Variants in VIRMA observed in about 807,000 individuals in gnomAD.
The protein encoded by VIRMA is protein virilizer homolog.
A neutral mutation model predicts 182.4 loss-of-function variants in VIRMA; 65 were observed. The observed-to-expected ratio is 0.36, with a 90% CI of 0.29 to 0.44. The LOEUF is 0.44. Among genes scored for constraint, VIRMA ranks in the 20% least tolerant of loss-of-function variants. VIRMA has a pLI of 1.00. For missense variants in VIRMA, 1,752 were observed against 2,158.1 expected (o/e 0.81, Z 3.73); for synonymous variants, 709 against 743.1 (o/e 0.95, Z 0.75).
At chr8:94,530,834 C>A in intron 6 of VIRMA, 129 bp downstream of exon 6, 1 of 897,244 alleles carries the variant, frequency 1.1e-6, no homozygotes, top group East Asian at 3.1e-5. Flanking sequence ...ATCACTTAAG[C>A]CCAGGTGGTC....
chr8:94,499,117 T>C (rs1813884263), intron 17 of VIRMA: 1 of 233,716 alleles, frequency 4.3e-6, no homozygotes, highest in African/African-American at 2.3e-5. Flanking sequence ...ACTAAAGTGA[T>C]CTTTTTTATG....
intron 8 of VIRMA, among the ~76,000 whole-genome samples, chr8:94,522,032 G>A (rs1008829032): frequency 7.9e-5 from 12 of 152,130 alleles, no homozygotes; most frequent in Non-Finnish European, 1.3e-4. Context: ...AATTATTTGT[G>A]CAAACAATAT....
chr8:94,511,822 T>C, intron 12 of VIRMA, 93 bp from the exon 13 acceptor site: 3 of 724,618 alleles, frequency 4.1e-6, no homozygotes, highest in Non-Finnish European at 1.9e-6. Flanking sequence ...ATATTTATGA[T>C]AATTATATTT....
intron 5 of VIRMA, among the ~76,000 whole-genome samples, chr8:94,534,627 TTCC>T (rs942964632): frequency 2.0e-5 from 3 of 151,038 alleles, no homozygotes; most frequent in Non-Finnish European, 4.4e-5. Flanking sequence ...TTTCTTTCTC[TTCC>T]TCCTATCTCC....
Position 94,492,567 on chromosome 8 carries a change from C to G in VIRMA, c.4808+85G>C. On this transcript the variant is annotated intron_variant, in intron 21 of 23. Coordinates refer to ENST00000297591, the MANE Select transcript of VIRMA (RefSeq NM_015496.5). ...GATTACAGGCGTGAGCCACCGCGCT[C>G]GGCCGCATGTGTCTATCTTAAAATA... 3 of 1,243,800 alleles carry G rather than the reference C, an allele frequency of 2.4e-6. No individual in the cohort carries two copies. In the South Asian group the frequency reaches 4.6e-5, roughly 19 times the overall value. 77.0% of individuals were successfully genotyped at this position (1,243,800 alleles called of 1,614,324 possible).
chr8:94,541,341 C>G (rs982686529), intron 2 of VIRMA, among the ~76,000 whole-genome samples: 2 of 152,032 alleles, frequency 1.3e-5, no homozygotes, highest in Non-Finnish European at 2.9e-5. Context: ...CTCAAGTGAT[C>G]CTCCTGCCTC....
At chr8:94,500,264 TG>T (rs1813925739) in intron 16 of VIRMA, among the ~76,000 whole-genome samples, 2 of 152,090 alleles carry the variant, frequency 1.3e-5, no homozygotes, top group South Asian at 4.2e-4. Context: ...CCAGGCGTAG[TG>T]GTGCACGCCT....
Position 94,505,557 on chromosome 8 carries a change from A to G in VIRMA, c.4097+943T>C, listed in dbSNP as rs139604078. ...GCATGATCACTGCAGCGGCATGATC[A>G]CTGCAGCCTTGACCTCCCAGGCTCA... On this transcript the variant is annotated intron_variant, in intron 16 of 23. Coordinates refer to ENST00000297591, the MANE Select transcript of VIRMA (RefSeq NM_015496.5). Among the ~76,000 whole-genome samples, 991 of 146,160 alleles carry G rather than the reference A, an allele frequency of 6.8e-3. 11 individuals are homozygous for G. The highest frequency in any genetic ancestry group is 0.022 in the African/African-American group (917 of 40,876).
In VIRMA at chr8:94,519,410, A is replaced by T; in HGVS notation, c.2088T>A (p.Ala696=). The change falls in exon 9 of 24, where the codon GCT becomes GCA. Residue 696 remains alanine (A), a synonymous_variant. Coordinates refer to ENST00000297591, the MANE Select transcript of VIRMA (RefSeq NM_015496.5). ...TLLLSIPVTS[A]HPGVLQATKD... ...TTGTGGCTTGCAGCACACCAGGGTG[A>T]GCACTTGTTACTGGAATTGACAGAA... The T allele has an allele frequency of 6.5e-7, 1 of 1,536,888 alleles. No individual in the cohort carries two copies. The highest frequency in any genetic ancestry group is 1.3e-5 in the South Asian group (1 of 76,028).
chr8:94,549,791 T>C (rs1815908102), intron 1 of VIRMA, among the ~76,000 whole-genome samples: 2 of 152,186 alleles, frequency 1.3e-5, no homozygotes, highest in Non-Finnish European at 2.9e-5. Context: ...AAAATGTAGA[T>C]GACTACCTTT....
rs764319143 is a variant in VIRMA at position 94,519,073 on chromosome 8, T to C, written c.2425A>G (p.Arg809Gly). The C allele has an allele frequency of 4.3e-6, 7 of 1,613,900 alleles. No individual in the cohort carries two copies. In the Admixed American group the frequency reaches 1.0e-4, roughly 23 times the overall value. ...CTAAAAACATGGCCAACAGCTGATC[T>C]TCCCACAGGATTAAAAGTAATCAAA... The part of the protein sequence containing the change: ...LYLITFNPVG[R>G]SAVGHVFSLE... The change falls in exon 9 of 24, where the codon AGA becomes GGA. Residue 809 changes from arginine to glycine, a missense_variant. Physicochemically the swap from Arg to Gly is moderately radical, Grantham distance 125. Transcript: ENST00000297591.
intron 7 of VIRMA, among the ~76,000 whole-genome samples, chr8:94,527,640 G>A (rs1258838850): frequency 6.6e-6 from 1 of 152,024 alleles, no homozygotes; most frequent in Non-Finnish European, 1.5e-5. Context: ...ACAACTAACT[G>A]TAACAGATAT....
At position 94,488,553 on chromosome 8, in the gene VIRMA, G is replaced by A. The variant is rs915557727; in HGVS notation, c.*153C>T. ...AAGTTTGGATTTTTATTGAAATCTT[G>A]TTAGGTATCAAACAAATTCTGCTTT... On this transcript the variant is annotated 3_prime_UTR_variant, in exon 24 of 24. Coordinates refer to ENST00000297591, the MANE Select transcript of VIRMA (RefSeq NM_015496.5). 2 of 622,354 alleles carry A rather than the reference G, an allele frequency of 3.2e-6. No individual in the cohort carries two copies. The highest frequency in any genetic ancestry group is 1.8e-5 in the African/African-American group (1 of 54,748). 38.6% of individuals were successfully genotyped at this position (622,354 alleles called of 1,614,324 possible).
At chr8:94,499,205 T>C (rs959258383) in intron 17 of VIRMA, 169 bp downstream of exon 17, 3 of 425,168 alleles carry the variant, frequency 7.1e-6, no homozygotes, top group African/African-American at 6.1e-5. Context: ...CTCACTATTT[T>C]GCCCAGGCTG....
chr8:94,550,427 G>A lies in VIRMA; in HGVS notation c.63+2958C>T, dbSNP rs1815940436. 3.3e-5 allele frequency among the ~76,000 whole-genome samples: 5 copies of A among 152,048 alleles called. No individual in the cohort carries two copies. In the South Asian group the frequency reaches 1.0e-3, roughly 32 times the overall value. On this transcript the variant is annotated intron_variant, in intron 1 of 23. Transcript: ENST00000297591. ...CCGGCCTCAGCCTCCTGAGTAGCTG[G>A]GACTACAGGCACCTGCCACCACGCT... is the stretch of plus-strand genomic sequence containing the variant.
intron 7 of VIRMA, among the ~76,000 whole-genome samples, 154 bp from the exon 8 acceptor site, chr8:94,527,517 C>A (rs1815016426): frequency 6.6e-6 from 1 of 152,178 alleles, no homozygotes; most frequent in African/African-American, 2.4e-5. Flanking sequence ...AATTTTACAA[C>A]ATTTTATAAT....
At position 94,487,705 on chromosome 8, in the gene VIRMA, ACT is replaced by A. The variant is rs1230347230; in HGVS notation, c.*999_*1000del. The A allele has an allele frequency of 6.6e-6, 1 of 152,122 alleles. No homozygotes were observed. Among genetic ancestry groups the A allele is most frequent in the East Asian group, 1.9e-4 (1 of 5,198 alleles). 9.4% of individuals were successfully genotyped at this position (152,122 alleles called of 1,614,324 possible). A position where few individuals can be genotyped will look rare whatever the true frequency, so the allele number is the denominator to read the frequency against. ...ATACACTCCTTTTCTGATTAAGATA[ACT>A]CTGTATTTTACGCCACTTATATAGA... On this transcript the variant is annotated 3_prime_UTR_variant, in exon 24 of 24. Coordinates refer to ENST00000297591, the MANE Select transcript of VIRMA (RefSeq NM_015496.5).
intron 2 of VIRMA, among the ~76,000 whole-genome samples, chr8:94,543,220 T>C (rs912595493): frequency 6.6e-6 from 1 of 151,492 alleles, no homozygotes. Context: ...GTCTGACCAA[T>C]ATGGTGAAAC....
chr8:94,543,140 T>C (rs1586112295), intron 2 of VIRMA, among the ~76,000 whole-genome samples: 1 of 152,006 alleles, frequency 6.6e-6, no homozygotes, highest in African/African-American at 2.4e-5. Context: ...ACTCCTGACC[T>C]CAGGTGTTCC....
Sources: gnomAD v4.1 joint callset for allele counts (sites outside exome capture counted in the v4.1 genomes callset) on GRCh38, gnomAD v4.1.1 for gene constraint, MANE v1.5 for transcripts, NCBI Gene and HGNC (gene_info 2026-07-23, HGNC 2026-07-21) for gene names.